Variants in CEP57 observed in about 807,000 individuals in gnomAD.
CEP57 encodes the protein centrosomal protein 57.
CEP57 carries 40 observed loss-of-function variants against 68.0 expected under a neutral mutation model. The observed-to-expected ratio is 0.59, with a 90% CI of 0.46 to 0.77. The LOEUF (loss-of-function observed/expected upper bound fraction) is 0.77, where lower values mean the gene tolerates loss of function less well. Ranked by LOEUF, CEP57 falls within the 30% of genes least tolerant of loss-of-function variation. CEP57 has a pLI of 0.00. For missense variants in CEP57, 606 were observed against 580.7 expected (o/e 1.04, Z -0.45); for synonymous variants, 219 against 198.7 (o/e 1.10, Z -0.86).
rs771847891 is a variant in CEP57 at position 95,813,022 on chromosome 11, C to G, written c.293C>G (p.Ser98Cys). The change falls in exon 3 of 11, where the codon TCT becomes TGT. Residue 98 changes from serine to cysteine, a missense_variant. Ser to Cys is a moderately radical substitution (Grantham distance 112). Transcript: ENST00000325542. ...GCAGAAGAAAGTGTGAAAACCTTGT[C>G]TAGAGAAACAATTGAATATAAGAAA... ...IQAEESVKTLSRETIEYKKVL... is the reference protein window; with the variant it reads ...IQAEESVKTLCRETIEYKKVL... The G allele has an allele frequency of 6.2e-7, 1 of 1,613,686 alleles. No individual in the cohort carries two copies. Among genetic ancestry groups the G allele is most frequent in the East Asian group, 2.2e-5 (1 of 44,846 alleles).
In CEP57 at chr11:95,790,538, T is replaced by G. The variant is rs1338880733; in HGVS notation, c.-161T>G. 1 of 744,084 alleles carries G rather than the reference T, an allele frequency of 1.3e-6. No individual in the cohort carries two copies. 46.1% of individuals were successfully genotyped at this position (744,084 alleles called of 1,614,324 possible). On this transcript the variant is annotated 5_prime_UTR_variant, in exon 1 of 11. Coordinates refer to ENST00000325542, the MANE Select transcript of CEP57 (RefSeq NM_014679.5). ...GTGAGCGTAGGCGGCCCTGAGGGGG[T>G]GTGTTGCAGGGGTTTCCAAGCCCAG...
At chr11:95,829,810 T>C (rs1015359113) in intron 10 of CEP57, among the ~76,000 whole-genome samples, 2 of 152,194 alleles carry the variant, frequency 1.3e-5, no homozygotes, top group African/African-American at 4.8e-5. Flanking sequence ...ATTTAAGAGA[T>C]TACTGTAGTG....
chr11:95,801,049 A>G (rs1018603897), intron 2 of CEP57, among the ~76,000 whole-genome samples: 1 of 152,166 alleles, frequency 6.6e-6, no homozygotes, highest in Non-Finnish European at 1.5e-5. Context: ...GCATTTGTAA[A>G]TTAGTTGAGG....
chr11:95,818,782 C>T (rs1237302665), intron 5 of CEP57, 45 bp from the exon 6 acceptor site: 6 of 1,470,990 alleles, frequency 4.1e-6, no homozygotes, highest in Non-Finnish European at 5.7e-6. Context: ...TTTACAGACA[C>T]TTAAGATTTT....
chr11:95,795,984 G>A (rs1024962480), intron 1 of CEP57, among the ~76,000 whole-genome samples: 1 of 152,220 alleles, frequency 6.6e-6, no homozygotes, highest in South Asian at 2.1e-4. Flanking sequence ...CACTAATAAA[G>A]ACCTTCCTTT....
Position 95,818,892 on chromosome 11 carries a change from T to C in CEP57, c.687T>C (p.Ala229=), listed in dbSNP as rs778056271. 21 of 1,613,814 alleles carry C rather than the reference T, an allele frequency of 1.3e-5. No individual in the cohort carries two copies. The highest frequency in any genetic ancestry group is 1.8e-5 in the Non-Finnish European group (21 of 1,179,786). ...AACAGGAAAGGAAACGCATGCAAGC[T>C]AAGGCAGCTGAGGTAAGTTAAAATG... is the stretch of plus-strand genomic sequence containing the variant. The part of the protein sequence containing the change: ...EEEQERKRMQ[A]KAAELQTGLE... The change falls in exon 6 of 11, where the codon GCT becomes GCC. Residue 229 remains alanine (A), a synonymous_variant. Coordinates refer to ENST00000325542, the MANE Select transcript of CEP57 (RefSeq NM_014679.5).
intron 6 of CEP57, 23 bp from the exon 7 acceptor site, chr11:95,821,848 C>T: frequency 6.7e-7 from 1 of 1,490,394 alleles, no homozygotes; most frequent in Non-Finnish European, 9.4e-7. Context: ...ACAGCATTAA[C>T]TTGAGGCTCT....
intron 8 of CEP57, among the ~76,000 whole-genome samples, chr11:95,824,801 C>T (rs994781317): frequency 6.6e-6 from 1 of 152,168 alleles, no homozygotes; most frequent in Middle Eastern, 3.2e-3. Context: ...CAGGACTGCC[C>T]TTATCTATAA....
intron 2 of CEP57, among the ~76,000 whole-genome samples, chr11:95,803,647 G>T (rs569670261): frequency 1.4e-5 from 2 of 144,314 alleles, no homozygotes; most frequent in Non-Finnish European, 3.0e-5. Flanking sequence ...GACCCAGGTG[G>T]ACTTGAAGAA....
At chr11:95,793,393 T>A (rs1861187013) in intron 1 of CEP57, among the ~76,000 whole-genome samples, 1 of 68,180 alleles carries the variant, frequency 1.5e-5, no homozygotes, top group Non-Finnish European at 2.8e-5. Context: ...TGACCTAATC[T>A]CTTGATTTGT....
At chr11:95,808,894 A>C (rs1009860863) in intron 2 of CEP57, among the ~76,000 whole-genome samples, 3 of 152,204 alleles carry the variant, frequency 2.0e-5, no homozygotes, top group African/African-American at 7.2e-5. Context: ...AAATCAATAG[A>C]ATATACATTC....
chr11:95,790,818 G>T lies in CEP57; in HGVS notation c.45+75G>T, dbSNP rs192335430. The T allele has an allele frequency of 3.9e-4, 602 of 1,544,882 alleles. 2 individuals carry two copies. Among genetic ancestry groups the T allele is most frequent in the Non-Finnish European group, 3.8e-4 (430 of 1,127,042 alleles). The stretch of plus-strand genomic sequence containing the variant: ...TTTGAGTTTCCTCACGTTTCAGGGC[G>T]CTGTCAGTCCAGCTTCTGACGCAAT... On this transcript the variant is annotated intron_variant, in intron 1 of 10. Coordinates refer to ENST00000325542, the MANE Select transcript of CEP57 (RefSeq NM_014679.5).
chr11:95,793,543 A>C (rs994047751), intron 1 of CEP57, among the ~76,000 whole-genome samples: 2 of 92,698 alleles, frequency 2.2e-5, no homozygotes, highest in South Asian at 5.4e-4. Flanking sequence ...GAATACCTTC[A>C]TGTTCCTCTG....
Position 95,799,268 on chromosome 11 carries a change from A to G in CEP57, c.82A>G (p.Met28Val). The G allele has an allele frequency of 1.9e-6, 3 of 1,614,150 alleles. No individual in the cohort carries two copies. The highest frequency in any genetic ancestry group is 2.5e-6 in the Non-Finnish European group (3 of 1,179,998). ...TGAGCCATCAAGGTCTAATGGAAGC[A>G]TGGTTCGGCATTCTTCATCTCCATA... is the stretch of plus-strand genomic sequence containing the variant. Reference protein sequence around the residue: ...FAEPSRSNGSMVRHSSSPYVV... With the variant: ...FAEPSRSNGSVVRHSSSPYVV... Residue 28 changes from methionine to valine, a missense_variant, in exon 2 of 11, where the codon ATG becomes GTG. Coordinates refer to ENST00000325542, the MANE Select transcript of CEP57 (RefSeq NM_014679.5).
chr11:95,822,255 T>A (rs1220086635), intron 7 of CEP57: 2 of 580,836 alleles, frequency 3.4e-6, no homozygotes, highest in Admixed American at 6.0e-5. Context: ...TGTGTATATG[T>A]ATACTGATTT....
intron 9 of CEP57, among the ~76,000 whole-genome samples, 191 bp from the exon 10 acceptor site, chr11:95,828,996 C>G (rs999226632): frequency 1.3e-5 from 2 of 150,012 alleles, no homozygotes; most frequent in Non-Finnish European, 3.0e-5. Flanking sequence ...GAGCCGAGAT[C>G]ATGTCACTGC....
chr11:95,812,218 TTAA>T (rs1862095789), intron 2 of CEP57, among the ~76,000 whole-genome samples: 1 of 152,080 alleles, frequency 6.6e-6, no homozygotes, highest in Admixed American at 6.6e-5. Flanking sequence ...ATAAAATGTA[TTAA>T]TAAGTAATAG....
intron 2 of CEP57, among the ~76,000 whole-genome samples, chr11:95,804,749 TATAA>T (rs1861721908): frequency 1.3e-5 from 2 of 152,228 alleles, no homozygotes; most frequent in South Asian, 2.1e-4. Flanking sequence ...TGTGCTCATA[TATAA>T]ATAAATATGA....
intron 4 of CEP57, chr11:95,815,174 T>C (rs1862252108): frequency 2.0e-5 from 3 of 152,226 alleles, no homozygotes; most frequent in South Asian, 2.1e-4. Flanking sequence ...CGTGTATGCT[T>C]TCTACCCTCA....
Sources: allele counts gnomAD v4.1 joint callset (sites outside exome capture counted in the v4.1 genomes callset), GRCh38; gene constraint gnomAD v4.1.1; transcripts MANE v1.5; gene names NCBI Gene and HGNC (gene_info 2026-07-23, HGNC 2026-07-21).